VPS13B: variants seen among roughly 807,000 people sequenced by gnomAD.
The protein encoded by VPS13B is intermembrane lipid transfer protein VPS13B.
A neutral mutation model predicts 426.4 loss-of-function variants in VPS13B; 285 were observed. That is an observed-to-expected ratio of 0.67 (90% CI 0.61 to 0.74). The LOEUF is 0.74. VPS13B is among the 30% of genes least tolerant of loss of function. VPS13B has a pLI of 0.00. For missense variants in VPS13B, 4,537 were observed against 4,782.6 expected, an observed-to-expected ratio of 0.95 and a Z score of 1.51; for synonymous variants, 1,676 against 1,676.4, an observed-to-expected ratio of 1.00 and a Z score of 0.01.
chr8:99,817,450 T>A, intron 44 of VPS13B, 90 bp from the exon 45 acceptor site: 1 of 1,483,656 alleles, frequency 6.7e-7, no homozygotes, highest in East Asian at 2.3e-5. Context: ...TCCATTAACA[T>A]CAACATAGTT....
At position 99,839,822 on chromosome 8, in the gene VPS13B, A is replaced by G. The variant is rs1275099908; in HGVS notation, c.9942+4084A>G. Among the ~76,000 whole-genome samples, 3 of 152,374 alleles carry G rather than the reference A, an allele frequency of 2.0e-5. No individual in the cohort carries two copies. In the East Asian group the frequency reaches 5.8e-4, roughly 29 times the overall value. ...CCAGTGTAATAGTCATTACTTATCCAGTGGTGGCTATGAGAAATTTTCTTC... is the reference window on the plus strand; with the variant it reads ...CCAGTGTAATAGTCATTACTTATCCGGTGGTGGCTATGAGAAATTTTCTTC... On this transcript the variant is annotated intron_variant, in intron 54 of 61. Transcript: ENST00000357162.
chr8:99,438,136 C>A (rs1209953405), intron 22 of VPS13B, among the ~76,000 whole-genome samples: 4 of 146,108 alleles, frequency 2.7e-5, no homozygotes, highest in Admixed American at 2.2e-4. Context: ...ATTCTGGTCT[C>A]TTTCTTTTGG....
intron 19 of VPS13B, among the ~76,000 whole-genome samples, chr8:99,323,816 T>A (rs780477668): frequency 6.6e-6 from 1 of 152,230 alleles, no homozygotes; most frequent in Non-Finnish European, 1.5e-5. Context: ...TACAAAATAT[T>A]GCAATTATTT....
At chr8:99,846,201 C>G (rs35012533) in intron 54 of VPS13B, among the ~76,000 whole-genome samples, 2,300 of 152,274 alleles carry the variant, frequency 0.015, 27 homozygotes, top group Middle Eastern at 0.041. Flanking sequence ...AAAACCATTG[C>G]CCTCATGGAA....
chr8:99,379,367 G>A (rs917660526), intron 19 of VPS13B, among the ~76,000 whole-genome samples: 1 of 151,986 alleles, frequency 6.6e-6, no homozygotes, highest in Non-Finnish European at 1.5e-5. Flanking sequence ...TGGGCGGGGG[G>A]GCAACAGAAC....
chr8:99,520,871 A>C, intron 29 of VPS13B, 28 bp from the exon 30 acceptor site: 2 of 1,560,298 alleles, frequency 1.3e-6, no homozygotes. Flanking sequence ...TCCACAGTGT[A>C]TTCATGAATC....
At chr8:99,697,477 C>A in intron 35 of VPS13B, 1 of 737,838 alleles carries the variant, frequency 1.4e-6, no homozygotes. Flanking sequence ...GCGATGCCTG[C>A]TCTAAGCTGA....
intron 30 of VPS13B, among the ~76,000 whole-genome samples, chr8:99,537,955 T>C (rs1487757637): frequency 6.6e-6 from 1 of 152,222 alleles, no homozygotes; most frequent in Non-Finnish European, 1.5e-5. Flanking sequence ...ATATTTCTTA[T>C]AATTGGAAAA....
intron 23 of VPS13B, among the ~76,000 whole-genome samples, chr8:99,458,766 G>A (rs1818663700): frequency 6.6e-6 from 1 of 152,088 alleles, no homozygotes; most frequent in African/African-American, 2.4e-5. Context: ...TGATGGGGTT[G>A]TTTGTTTTTT....
intron 31 of VPS13B, among the ~76,000 whole-genome samples, chr8:99,557,169 G>C (rs372985074): frequency 6.6e-6 from 1 of 151,774 alleles, no homozygotes; most frequent in Non-Finnish European, 1.5e-5. Flanking sequence ...AGTTTTTTGG[G>C]TACAGGTAGT....
chr8:99,249,146 T>G (rs962699920), intron 17 of VPS13B, among the ~76,000 whole-genome samples: 3 of 110,850 alleles, frequency 2.7e-5, no homozygotes, highest in South Asian at 7.4e-4. Flanking sequence ...TATATTAATA[T>G]TATGTGACCT....
intron 56 of VPS13B, among the ~76,000 whole-genome samples, chr8:99,858,882 G>A (rs1027036544): frequency 9.9e-5 from 15 of 152,098 alleles, no homozygotes; most frequent in African/African-American, 2.4e-4. Context: ...GCATCTGGCC[G>A]CCCCTGGCCA....
rs534241867 is a variant in VPS13B at position 99,575,363 on chromosome 8, T to C, written c.4950-295T>C. ...TGGTAACAAAAGTGATATGAAACTA[T>C]TTGCAAGAACAAAAAGGAGTAAAAA... On this transcript the variant is annotated intron_variant, in intron 31 of 61. Coordinates refer to ENST00000357162, the MANE Select transcript of VPS13B (RefSeq NM_152564.5). Among the ~76,000 whole-genome samples the C allele has an allele frequency of 6.6e-5, 10 of 152,256 alleles. No homozygotes were observed. In the East Asian group the frequency reaches 1.7e-3, roughly 26 times the overall value.
chr8:99,489,740 T>C (rs766050326), intron 25 of VPS13B, among the ~76,000 whole-genome samples: 7 of 152,238 alleles, frequency 4.6e-5, no homozygotes, highest in African/African-American at 7.2e-5. Context: ...TTGTGATTTT[T>C]GCACATTGAT....
chr8:99,469,793 G>A (rs1027243), intron 24 of VPS13B, among the ~76,000 whole-genome samples: 26,466 of 152,088 alleles, frequency 0.17, 2,823 homozygotes, highest in East Asian at 0.38. Flanking sequence ...AGTCATTAGG[G>A]TGACCCAATG....
chr8:99,755,770 AAAAT>A (rs535898763), intron 39 of VPS13B, among the ~76,000 whole-genome samples: 5 of 152,060 alleles, frequency 3.3e-5, no homozygotes, highest in African/African-American at 9.7e-5. Context: ...CTCCATCTCA[AAAAT>A]AAATAAATAA....
chr8:99,273,393 C>T (rs879413731), intron 17 of VPS13B, among the ~76,000 whole-genome samples: 3 of 151,646 alleles, frequency 2.0e-5, no homozygotes, highest in Admixed American at 6.6e-5. Flanking sequence ...GTCTCGATCT[C>T]TTGACCTCGT....
At chr8:99,606,746 A>G (rs916795506) in intron 33 of VPS13B, among the ~76,000 whole-genome samples, 1 of 150,282 alleles carries the variant, frequency 6.7e-6, no homozygotes, top group South Asian at 2.1e-4. Context: ...CTCCTGCCTC[A>G]TCCTCCGAAG....
At chr8:99,805,600 AT>A (rs898270876) in intron 43 of VPS13B, among the ~76,000 whole-genome samples, 2 of 152,316 alleles carry the variant, frequency 1.3e-5, no homozygotes, top group East Asian at 3.9e-4. Flanking sequence ...TAGAAAAAAA[AT>A]GAGTTGAAAA....
Sources: gnomAD v4.1 joint callset for allele counts (sites outside exome capture counted in the v4.1 genomes callset) on GRCh38, gnomAD v4.1.1 for gene constraint, MANE v1.5 for transcripts, NCBI Gene and HGNC (gene_info 2026-07-23, HGNC 2026-07-21) for gene names.